SGCD: variants seen among roughly 807,000 people sequenced by gnomAD.
SGCD encodes the protein delta-sarcoglycan.
Under a neutral mutation model 36.6 loss-of-function variants are expected in SGCD, and 18 were observed. The observed-to-expected ratio is 0.49, with a 90% CI of 0.34 to 0.73. The LOEUF (loss-of-function observed/expected upper bound fraction) is 0.73. Ranked by LOEUF, SGCD falls within the 30% of genes least tolerant of loss-of-function variation. SGCD has a pLI of 0.01. For synonymous variants in SGCD, 133 were observed against 130.6 expected (o/e 1.02, Z -0.12); for missense variants, 387 against 346.7 (o/e 1.12, Z -0.92).
chr5:155,787,214 C>A, the SGCD span, among the ~76,000 whole-genome samples: 2 of 152,048 alleles, frequency 1.3e-5, no homozygotes, highest in Middle Eastern at 3.2e-3. Flanking sequence ...TAGAACATGA[C>A]AATTGGGTGA....
intron 7 of SGCD, among the ~76,000 whole-genome samples, chr5:156,691,456 A>T (rs1420730226): frequency 1.3e-5 from 2 of 152,016 alleles, no homozygotes; most frequent in African/African-American, 2.4e-5. Context: ...GGGTCAATAA[A>T]TTTTTTCTGT....
intron 6 of SGCD, among the ~76,000 whole-genome samples, chr5:156,600,710 C>T (rs1158012695): frequency 6.6e-6 from 1 of 152,092 alleles, no homozygotes; most frequent in African/African-American, 2.4e-5. Context: ...ATTGCTGGAT[C>T]ATATGGTAGT....
intron 3 of SGCD, among the ~76,000 whole-genome samples, chr5:156,370,853 G>T (rs902289947): frequency 1.1e-4 from 16 of 152,092 alleles, no homozygotes; most frequent in African/African-American, 3.6e-4. Context: ...AGGGCAGTCG[G>T]CAAAGAAATA....
intron 3 of SGCD, among the ~76,000 whole-genome samples, chr5:156,164,283 A>C (rs1298898291): frequency 6.6e-6 from 1 of 151,728 alleles, no homozygotes; most frequent in Non-Finnish European, 1.5e-5. Context: ...CTTGGAATAA[A>C]TATAGAAGCT....
In SGCD at chr5:156,177,225, C is replaced by G. The variant is rs1447720164; in HGVS notation, c.-44+53206C>G. Reference sequence around the variant, plus strand: ...CCATGTTGGCCAGGATGATCTCGATCTCTTGACCTCGTGATCCACTCACCT... The same window carrying G: ...CCATGTTGGCCAGGATGATCTCGATGTCTTGACCTCGTGATCCACTCACCT... On this transcript the variant is annotated intron_variant, in intron 3 of 9. Coordinates refer to the SGCD transcript ENST00000517913. 3.3e-5 allele frequency among the ~76,000 whole-genome samples: 5 copies of G among 152,250 alleles called. No individual in the cohort carries two copies. In the South Asian group the frequency reaches 1.0e-3, roughly 32 times the overall value.
At chr5:155,928,837 A>G (rs913653116) in intron 1 of SGCD, among the ~76,000 whole-genome samples, 9 of 152,174 alleles carry the variant, frequency 5.9e-5, no homozygotes, top group Admixed American at 5.9e-4. Flanking sequence ...AGCATATTTT[A>G]TGCAACAACC....
chr5:156,613,885 A>G (rs1761925971), intron 6 of SGCD, among the ~76,000 whole-genome samples: 1 of 152,194 alleles, frequency 6.6e-6, no homozygotes, highest in Non-Finnish European at 1.5e-5. Flanking sequence ...TGAACTAATC[A>G]CTTGCCCTGA....
intron 1 of SGCD, among the ~76,000 whole-genome samples, chr5:155,873,449 C>G (rs1207757447): frequency 2.0e-5 from 3 of 152,120 alleles, no homozygotes; most frequent in Non-Finnish European, 4.4e-5. Context: ...TGCATGTTCT[C>G]ACTTATAAAT....
At chr5:155,813,901 T>C in the SGCD span, among the ~76,000 whole-genome samples, 1 of 152,212 alleles carries the variant, frequency 6.6e-6, no homozygotes, top group African/African-American at 2.4e-5. Context: ...AGAATCTCAT[T>C]ATTATTTTGA....
At chr5:155,765,268 A>C in the SGCD span, among the ~76,000 whole-genome samples, 3 of 151,560 alleles carry the variant, frequency 2.0e-5, no homozygotes, top group African/African-American at 7.3e-5. Flanking sequence ...CAATAGGGCA[A>C]GACCCTGTCG....
intron 7 of SGCD, among the ~76,000 whole-genome samples, chr5:156,655,835 A>G (rs945122096): frequency 6.6e-6 from 1 of 152,032 alleles, no homozygotes; most frequent in African/African-American, 2.4e-5. Context: ...CCTGAAGTCT[A>G]TATAAAGACA....
Position 156,229,286 on chromosome 5 carries a change from A to ATATATATATATATGTGTGTG in SGCD, c.-43-100235_-43-100234insGTGTGTGTATATATATATAT, listed in dbSNP as rs1554085609. Reference sequence around the variant, plus strand: ...CATATATATATACATACATATATATATATATATATATATAAAATTAGTTCT... The same window carrying ATATATATATATATGTGTGTG: ...CATATATATATACATACATATATATATATATATATATATGTGTGTGTATATATATATATAAAATTAGTTCT... On this transcript the variant is annotated intron_variant, in intron 3 of 9. Transcript: ENST00000517913. Among the ~76,000 whole-genome samples the ATATATATATATATGTGTGTG allele has an allele frequency of 1.9e-4, 21 of 110,416 alleles. 4 individuals are homozygous for ATATATATATATATGTGTGTG. Among genetic ancestry groups the ATATATATATATATGTGTGTG allele is most frequent in the African/African-American group, 8.5e-4 (21 of 24,606 alleles). The allele number at this position is 110,416 out of a possible 152,430, so 72.4% of individuals were successfully genotyped here. A position where few individuals can be genotyped will look rare whatever the true frequency, so the allele number is the denominator to read the frequency against.
upstream of SGCD, among the ~76,000 whole-genome samples, chr5:155,867,524 A>C (rs1388917846): frequency 2.0e-5 from 3 of 152,206 alleles, no homozygotes; most frequent in Non-Finnish European, 4.4e-5. Flanking sequence ...TGTGGCATTG[A>C]ACGGCAGTTA....
chr5:156,301,884 G>T (rs1561608657), intron 3 of SGCD, among the ~76,000 whole-genome samples: 7 of 150,956 alleles, frequency 4.6e-5, no homozygotes, highest in Admixed American at 4.6e-4. Context: ...TCTGTCAGAT[G>T]TATTGAAGCT....
At chr5:156,292,288 C>T (rs1458049688) in intron 3 of SGCD, among the ~76,000 whole-genome samples, 2 of 151,928 alleles carry the variant, frequency 1.3e-5, no homozygotes, top group Non-Finnish European at 2.9e-5. Context: ...TTTCACCTGC[C>T]CCTCAGGCCC....
chr5:156,438,454 G>T (rs1753338489), intron 3 of SGCD, among the ~76,000 whole-genome samples: 2 of 152,080 alleles, frequency 1.3e-5, no homozygotes, highest in African/African-American at 4.8e-5. Flanking sequence ...TTTTTCAAAA[G>T]GTTGTTTTTT....
chr5:155,993,213 T>G (rs12519159), intron 1 of SGCD, among the ~76,000 whole-genome samples: 34,211 of 152,062 alleles, frequency 0.22, 4,621 homozygotes, highest in South Asian at 0.37. Context: ...ATGGCCCCCG[T>G]CCCCCTGCAT....
chr5:156,126,660 C>T (rs958364601), intron 3 of SGCD, among the ~76,000 whole-genome samples: 1 of 152,194 alleles, frequency 6.6e-6, no homozygotes, highest in Non-Finnish European at 1.5e-5. Context: ...GGCTCCTGTG[C>T]TCTGGTGCAT....
chr5:155,779,582 T>TA, the SGCD span, among the ~76,000 whole-genome samples: 1 of 152,138 alleles, frequency 6.6e-6, no homozygotes, highest in Non-Finnish European at 1.5e-5. Flanking sequence ...CATCTTACCT[T>TA]AAAAAATGTT....
Sources: allele counts gnomAD v4.1 joint callset (sites outside exome capture counted in the v4.1 genomes callset), GRCh38; gene constraint gnomAD v4.1.1; transcripts MANE v1.5; gene names NCBI Gene and HGNC (gene_info 2026-07-23, HGNC 2026-07-21).